The following DOCK3 variants were observed in gnomAD, a reference collection of about 807,000 sequenced individuals.
DOCK3 encodes the protein dedicator of cytokinesis 3.
In DOCK3, 60 loss-of-function variants were observed where a neutral mutation model predicts 265.6. That is an observed-to-expected ratio of 0.23 (90% CI 0.18 to 0.28). The LOEUF is 0.28. DOCK3 is among the 10% of genes least tolerant of loss of function. The pLI is 1.00. For missense variants in DOCK3, 1,981 were observed against 2,594.3 expected (o/e 0.76, Z 5.14); for synonymous variants, 881 against 938.0 (o/e 0.94, Z 1.11).
chr3:51,361,303 T>C lies in DOCK3; in HGVS notation c.5007-556T>C, dbSNP rs887395742. 1.3e-5 allele frequency among the ~76,000 whole-genome samples: 2 copies of C among 152,058 alleles called. No individual in the cohort carries two copies. Among genetic ancestry groups the C allele is most frequent in the African/African-American group, 4.8e-5 (2 of 41,380 alleles). On this transcript the variant is annotated intron_variant, in intron 47 of 52. Coordinates refer to ENST00000266037, the MANE Select transcript of DOCK3 (RefSeq NM_004947.5). The surrounding 1 kb of genome is among the most constrained non-coding windows in gnomAD (Gnocchi z 4.2). ...CAGCACAGAGTGGGCACTTAGTAAA[T>C]AAGGGACAAATGAATGAGAAGCTTT...
At chr3:51,310,953 G>A (rs1348403842) in intron 28 of DOCK3, among the ~76,000 whole-genome samples, 1 of 152,156 alleles carries the variant, frequency 6.6e-6, no homozygotes, top group Non-Finnish European at 1.5e-5. Flanking sequence ...ATAAAATACA[G>A]TGAAAGTGTC....
intron 27 of DOCK3, among the ~76,000 whole-genome samples, chr3:51,285,139 C>T (rs936942200): frequency 6.6e-6 from 1 of 152,140 alleles, no homozygotes; most frequent in Non-Finnish European, 1.5e-5. Flanking sequence ...AAAACAGAGA[C>T]AGCAGTCTGG....
chr3:50,712,579 C>T (rs2036844163), intron 1 of DOCK3, among the ~76,000 whole-genome samples: 1 of 152,212 alleles, frequency 6.6e-6, no homozygotes, highest in Non-Finnish European at 1.5e-5. Context: ...CTCAACTGAT[C>T]TGACTGCCTC....
At position 51,075,403 on chromosome 3, in the gene DOCK3, A is replaced by G; in HGVS notation, c.512A>G (p.Asp171Gly). 5 of 1,611,218 alleles carry G rather than the reference A, an allele frequency of 3.1e-6. No individual in the cohort carries two copies. The highest frequency in any genetic ancestry group is 4.2e-6 in the Non-Finnish European group (5 of 1,178,830). Residue 171 changes from aspartate (D) to glycine (G), a missense_variant, in exon 7 of 53, where the codon GAC (aspartate) becomes GGC (glycine). Coordinates refer to ENST00000266037, the MANE Select transcript of DOCK3 (RefSeq NM_004947.5). ...CCTCGGAAGGACTTTGAAGTAGTGG[A>G]CTCGGACCAGATTAGTGTCTCAGAT... Reference protein sequence around the residue: ...LVPRKDFEVVDSDQISVSDLY... With the variant: ...LVPRKDFEVVGSDQISVSDLY...
At chr3:50,827,753 T>G (rs567834949) in intron 2 of DOCK3, among the ~76,000 whole-genome samples, 1 of 152,188 alleles carries the variant, frequency 6.6e-6, no homozygotes, top group African/African-American at 2.4e-5. Flanking sequence ...ATTTGCACTT[T>G]GATATAGTTA....
At chr3:50,940,560 G>A (rs2076264090) in intron 5 of DOCK3, among the ~76,000 whole-genome samples, 1 of 151,910 alleles carries the variant, frequency 6.6e-6, no homozygotes, top group African/African-American at 2.4e-5. Context: ...AAATTTATAG[G>A]GAAAGTTGAA....
At chr3:51,283,718 TC>T (rs1262072979) in intron 27 of DOCK3, among the ~76,000 whole-genome samples, 2 of 152,102 alleles carry the variant, frequency 1.3e-5, no homozygotes, top group Non-Finnish European at 2.9e-5. Flanking sequence ...AAGGAGTTTG[TC>T]CATACATTGA....
At chr3:50,764,338 AACCTAACAAT>A (rs1455896707) in intron 1 of DOCK3, among the ~76,000 whole-genome samples, 1 of 152,240 alleles carries the variant, frequency 6.6e-6, no homozygotes, top group Non-Finnish European at 1.5e-5. Context: ...AATAGAAAAA[AACCTAACAAT>A]ACCATGATAA....
At chr3:50,847,007 T>C (rs1559717086) in intron 3 of DOCK3, among the ~76,000 whole-genome samples, 1 of 152,180 alleles carries the variant, frequency 6.6e-6, no homozygotes, top group South Asian at 2.1e-4. Flanking sequence ...ATTTTAGTTA[T>C]TTGTTTTCTT....
chr3:51,288,501 T>G (rs1300136680), intron 27 of DOCK3, among the ~76,000 whole-genome samples: 1 of 152,128 alleles, frequency 6.6e-6, no homozygotes, highest in African/African-American at 2.4e-5. Context: ...GGTACTGTGC[T>G]TATTGCTGGG....
At chr3:50,958,723 A>G (rs1226581179) in intron 5 of DOCK3, among the ~76,000 whole-genome samples, 3 of 152,230 alleles carry the variant, frequency 2.0e-5, no homozygotes, top group Non-Finnish European at 4.4e-5. Context: ...CTGGGCTACA[A>G]CAGTAAATAA....
chr3:51,324,924 G>A (rs1046533212), intron 32 of DOCK3, among the ~76,000 whole-genome samples: 1 of 152,122 alleles, frequency 6.6e-6, no homozygotes, highest in African/African-American at 2.4e-5. Flanking sequence ...ACTCAACGTG[G>A]ATTAAAGACT....
chr3:51,137,970 C>T (rs541702678), intron 9 of DOCK3, among the ~76,000 whole-genome samples: 3 of 152,258 alleles, frequency 2.0e-5, no homozygotes, highest in East Asian at 1.9e-4. Context: ...TTGAAGAATA[C>T]GAGTACTTGC....
intron 3 of DOCK3, among the ~76,000 whole-genome samples, chr3:50,888,636 C>G (rs570455847): frequency 6.6e-6 from 1 of 152,302 alleles, no homozygotes; most frequent in East Asian, 1.9e-4. Context: ...GTAACCAAAA[C>G]AGCATGGTAC....
chr3:50,995,416 A>T (rs1216344185), intron 5 of DOCK3, among the ~76,000 whole-genome samples: 1 of 152,208 alleles, frequency 6.6e-6, no homozygotes, highest in African/African-American at 2.4e-5. Context: ...TGTGTGCAGC[A>T]AAAAAGACTT....
intron 1 of DOCK3, among the ~76,000 whole-genome samples, chr3:50,689,050 A>G (rs1194641296): frequency 6.6e-6 from 1 of 152,210 alleles, no homozygotes; most frequent in African/African-American, 2.4e-5. Flanking sequence ...CACCAGATAC[A>G]GCTGTGTTAA....
At chr3:50,746,230 C>T (rs1576316980) in intron 1 of DOCK3, among the ~76,000 whole-genome samples, 1 of 151,602 alleles carries the variant, frequency 6.6e-6, no homozygotes. Flanking sequence ...TCTCAGCTTC[C>T]TGAGTAGCTA....
At chr3:50,987,317 A>T (rs2077939369) in intron 5 of DOCK3, among the ~76,000 whole-genome samples, 1 of 152,174 alleles carries the variant, frequency 6.6e-6, no homozygotes, top group South Asian at 2.1e-4. Flanking sequence ...ATTTTATTTT[A>T]ATGTATTAAT....
chr3:51,158,483 G>A (rs998383006), intron 10 of DOCK3, among the ~76,000 whole-genome samples: 1 of 152,136 alleles, frequency 6.6e-6, no homozygotes, highest in African/African-American at 2.4e-5. Context: ...GGACAAGGCT[G>A]CAGTGAGCCG....
Sources: allele counts gnomAD v4.1 joint callset (sites outside exome capture counted in the v4.1 genomes callset), GRCh38; gene constraint gnomAD v4.1.1; non-coding constraint Gnocchi (gnomAD v3.1); transcripts MANE v1.5; gene names NCBI Gene and HGNC (gene_info 2026-07-23, HGNC 2026-07-21).